The following HNRNPK variants were observed in gnomAD, a reference collection of about 807,000 sequenced individuals.
The protein encoded by HNRNPK is dC-stretch binding protein.
HNRNPK carries 7 observed loss-of-function variants against 67.0 expected under a neutral mutation model. The observed-to-expected ratio is 0.10, with a 90% CI of 0.06 to 0.20. HNRNPK has a LOEUF of 0.20. HNRNPK is among the 10% of genes least tolerant of loss of function. The pLI, the probability that HNRNPK is intolerant of heterozygous loss-of-function variation, is 1.00. For synonymous variants in HNRNPK, 213 were observed against 193.7 expected (o/e 1.10, Z -0.83); for missense variants, 264 against 606.5 (o/e 0.44, Z 5.93).
At chr9:83,971,841 TG>T in intron 11 of HNRNPK, 40 bp downstream of exon 11, 1 of 1,563,212 alleles carries the variant, frequency 6.4e-7, no homozygotes, top group Non-Finnish European at 8.7e-7. Context: ...AATTCATAGA[TG>T]GGGGAAGAAA....
intron 5 of HNRNPK, among the ~76,000 whole-genome samples, chr9:83,976,149 T>C (rs1957055252): frequency 6.6e-6 from 1 of 152,194 alleles, no homozygotes; most frequent in Admixed American, 6.5e-5. Context: ...TCCTAGATCC[T>C]AACAGGCAAG....
At chr9:83,971,012 GC>G in intron 13 of HNRNPK, 100 bp from the exon 14 acceptor site, 1 of 1,217,482 alleles carries the variant, frequency 8.2e-7, no homozygotes, top group Non-Finnish European at 1.2e-6. Flanking sequence ...TTGCTATGTT[GC>G]CCAGGCTGGT....
chr9:83,976,965 C>G lies in HNRNPK; in HGVS notation c.213+30G>C, dbSNP rs750571645. On this transcript the variant is annotated intron_variant, in intron 5 of 16. Transcript: ENST00000376263. ...TATAGACATATAAACTGAAGCTGCT[C>G]GTGTAGTAGTTTAAACTCTTAATAC... The G allele has an allele frequency of 3.6e-6, 5 of 1,371,982 alleles. No individual in the cohort carries two copies. In the East Asian group the frequency reaches 9.2e-5, roughly 25 times the overall value. 85.0% of individuals were successfully genotyped at this position (1,371,982 alleles called of 1,614,324 possible). A position where few individuals can be genotyped will look rare whatever the true frequency, so the allele number is the denominator to read the frequency against.
intron 12 of HNRNPK, 63 bp downstream of exon 12, chr9:83,971,609 C>T (rs769243160): frequency 1.9e-5 from 25 of 1,340,374 alleles, no homozygotes; most frequent in Non-Finnish European, 2.7e-5. Flanking sequence ...TTCAACAAAA[C>T]GTGAACTACA....
chr9:83,969,867 T>G, intron 16 of HNRNPK: 1 of 608,776 alleles, frequency 1.6e-6, no homozygotes, highest in Non-Finnish European at 3.2e-6. Context: ...ATGAATCTTC[T>G]ATATTTTCTA....
At chr9:83,975,674 C>T in intron 5 of HNRNPK, 169 bp from the exon 6 acceptor site, 1 of 699,008 alleles carries the variant, frequency 1.4e-6, no homozygotes, top group Non-Finnish European at 2.7e-6. Flanking sequence ...GTGGGCAACG[C>T]AGGGGTAAGT....
chr9:83,975,754 T>TA (rs1229897044), intron 5 of HNRNPK: 1 of 568,618 alleles, frequency 1.8e-6, no homozygotes, highest in Non-Finnish European at 3.2e-6. Context: ...GGAAAAGCAA[T>TA]AAATTTTAAT....
At position 83,977,830 on chromosome 9, in the gene HNRNPK, C is replaced by A; in HGVS notation, c.59-44G>T. ...CATTTCAAAGAAAGCAGCGAAGTCT[C>A]CAAAGTAACTCCATTCTGTTTCAAG... On this transcript the variant is annotated intron_variant, in intron 3 of 16. Transcript: ENST00000376263. 7.6e-6 allele frequency: 9 copies of A among 1,185,254 alleles called. No homozygotes were observed. In the Middle Eastern group the frequency reaches 1.7e-3, roughly 228 times the overall value. 73.4% of individuals were successfully genotyped at this position (1,185,254 alleles called of 1,614,324 possible).
chr9:83,972,275 A>G, intron 10 of HNRNPK, 86 bp from the exon 11 acceptor site: 1 of 993,610 alleles, frequency 1.0e-6, no homozygotes, highest in East Asian at 2.6e-5. Flanking sequence ...CATCAAACAA[A>G]ATGTAAGTCA....
At chr9:83,980,592 C>T (rs557110490), upstream of HNRNPK, 1 of 153,156 alleles carries the variant, frequency 6.5e-6, no homozygotes, top group South Asian at 2.1e-4. Flanking sequence ...AGTGCTGTCG[C>T]CTGGAGCGCC....
At chr9:83,979,142 GA>G (rs1957225433) in intron 1 of HNRNPK, among the ~76,000 whole-genome samples, 1 of 152,164 alleles carries the variant, frequency 6.6e-6, no homozygotes, top group Admixed American at 6.5e-5. Flanking sequence ...CGGTCGATAG[GA>G]CTACAAACAG....
At position 83,969,182 on chromosome 9, in the gene HNRNPK, C is replaced by T. The variant is rs1395626939; in HGVS notation, c.*225G>A. On this transcript the variant is annotated 3_prime_UTR_variant, in exon 17 of 17. Coordinates refer to ENST00000376263, the MANE Select transcript of HNRNPK (RefSeq NM_031263.4). ...CAATGTTAGTTTTTGCACGCCCTTC[C>T]CCCCCCCAACCCTGTTTGTAAGGAA... 4 of 535,190 alleles carry T rather than the reference C, an allele frequency of 7.5e-6. No homozygotes were observed. Among genetic ancestry groups the T allele is most frequent in the Non-Finnish European group, 1.4e-5 (4 of 296,024 alleles). The allele number at this position is 535,190 out of a possible 1,614,324, so 33.2% of individuals were successfully genotyped here.
chr9:83,976,741 G>A, intron 5 of HNRNPK: 1 of 344,520 alleles, frequency 2.9e-6, no homozygotes, highest in Non-Finnish European at 5.2e-6. Flanking sequence ...TATCTTGCTT[G>A]ATGAAGTGAA....
At chr9:83,969,500 ACAT>A in intron 16 of HNRNPK, 60 bp from the exon 17 acceptor site, 1 of 996,698 alleles carries the variant, frequency 1.0e-6, no homozygotes, top group Non-Finnish European at 1.6e-6. Context: ...ATCTTAATCA[ACAT>A]CAAGACAATT....
chr9:83,979,965 G>A (rs1424899031), intron 1 of HNRNPK, among the ~76,000 whole-genome samples, 188 bp downstream of exon 1: 6 of 152,198 alleles, frequency 3.9e-5, no homozygotes, highest in African/African-American at 1.4e-4. Flanking sequence ...CAAGTCTCTA[G>A]GACCACAACG....
rs1956830744 is a variant in HNRNPK at position 83,971,376 on chromosome 9, T to C, written c.1009-20A>G. The C allele has an allele frequency of 1.3e-6, 2 of 1,505,456 alleles. No homozygotes were observed. Among genetic ancestry groups the C allele is most frequent in the African/African-American group, 1.4e-5 (1 of 72,952 alleles). 93.3% of individuals were successfully genotyped at this position (1,505,456 alleles called of 1,614,324 possible). On this transcript the variant is annotated intron_variant, in intron 12 of 16. Transcript: ENST00000376263. ...ACCAACCTGTTAGAGATAAAAACATTAACATGAACCCGCATTGTATTTTGT... is the reference window on the plus strand; with the variant it reads ...ACCAACCTGTTAGAGATAAAAACATCAACATGAACCCGCATTGTATTTTGT...
At chr9:83,969,773 T>C in intron 16 of HNRNPK, 1 of 649,148 alleles carries the variant, frequency 1.5e-6, no homozygotes, top group Non-Finnish European at 3.0e-6. Flanking sequence ...CTGTGCCATA[T>C]GGCAGACTGT....
At chr9:83,973,806 C>G (rs950565612) in intron 8 of HNRNPK, 96 bp downstream of exon 8, 2 of 901,944 alleles carry the variant, frequency 2.2e-6, no homozygotes, top group Non-Finnish European at 3.6e-6. Context: ...AAGCCTTTTT[C>G]TATAGAGATG....
chr9:83,970,083 G>C (rs1956758572), intron 16 of HNRNPK, 79 bp downstream of exon 16: 2 of 1,244,272 alleles, frequency 1.6e-6, no homozygotes, highest in Non-Finnish European at 2.2e-6. Flanking sequence ...GCTTCTAAAA[G>C]AAAAAAATCA....
Sources: allele counts gnomAD v4.1 joint callset (sites outside exome capture counted in the v4.1 genomes callset), GRCh38; gene constraint gnomAD v4.1.1; transcripts MANE v1.5; gene names NCBI Gene and HGNC (gene_info 2026-07-23, HGNC 2026-07-21).